PNPT1: variants seen among roughly 807,000 people sequenced by gnomAD.
The protein encoded by PNPT1 is polyribonucleotide nucleotidyltransferase 1.
Under a neutral mutation model 119.5 loss-of-function variants are expected in PNPT1, and 53 were observed. The ratio of observed to expected loss-of-function variants is 0.44; its 90% CI spans 0.36 to 0.56. The LOEUF is 0.56. Among genes scored for constraint, PNPT1 ranks in the 20% least tolerant of loss-of-function variants. The pLI is 0.00. For missense variants in PNPT1, 948 were observed against 938.5 expected (o/e 1.01, Z -0.13); for synonymous variants, 357 against 322.1 (o/e 1.11, Z -1.16).
At chr2:55,682,968 A>G (rs745407851) in intron 5 of PNPT1, among the ~76,000 whole-genome samples, 1 of 152,208 alleles carries the variant, frequency 6.6e-6, no homozygotes, top group Non-Finnish European at 1.5e-5. Context: ...TTGCAAAGGC[A>G]TATTTGCAAG....
chr2:55,683,857 A>AT, intron 4 of PNPT1, 23 bp from the exon 5 acceptor site: 2 of 1,610,702 alleles, frequency 1.2e-6, no homozygotes, highest in Non-Finnish European at 1.7e-6. Flanking sequence ...AAAAAAACAC[A>AT]TTAAACCGTA....
chr2:55,645,625 T>C (rs567428193), intron 21 of PNPT1, among the ~76,000 whole-genome samples, 193 bp from the exon 22 acceptor site: 1 of 152,342 alleles, frequency 6.6e-6, no homozygotes, highest in South Asian at 2.1e-4. Context: ...TTGTTTAATT[T>C]GTAAAAATTG....
intron 9 of PNPT1, among the ~76,000 whole-genome samples, chr2:55,672,604 A>G (rs1035788338): frequency 1.3e-5 from 2 of 152,216 alleles, no homozygotes; most frequent in Admixed American, 6.5e-5. Flanking sequence ...ATATTCAAAT[A>G]TCTTAACGTT....
rs545387137 is a variant in PNPT1 at position 55,688,720 on chromosome 2, G to T, written c.162-1015C>A. On this transcript the variant is annotated intron_variant, in intron 1 of 27. Transcript: ENST00000447944. ...AGCCTGGGTGACAGAGTGAGACTCT[G>T]TAACAAAAACAAAACAAAACAAAAC... Among the ~76,000 whole-genome samples, 38 of 151,774 alleles carry T rather than the reference G, an allele frequency of 2.5e-4. 1 individual carries two copies. The highest frequency in any genetic ancestry group is 8.5e-4 in the African/African-American group (35 of 41,382).
intron 5 of PNPT1, among the ~76,000 whole-genome samples, chr2:55,682,451 ACT>A (rs1401260519): frequency 6.6e-6 from 1 of 151,280 alleles, no homozygotes; most frequent in African/African-American, 2.4e-5. Context: ...ACAGAGGGAG[ACT>A]CTGTCTCAAA....
chr2:55,671,077 G>C (rs367655065), intron 11 of PNPT1, among the ~76,000 whole-genome samples: 1 of 152,112 alleles, frequency 6.6e-6, no homozygotes, highest in South Asian at 2.1e-4. Context: ...GAAACAGTTC[G>C]GGGAAGCTTT....
intron 10 of PNPT1, 72 bp from the exon 11 acceptor site, chr2:55,671,448 T>C: frequency 1.1e-6 from 1 of 889,890 alleles, no homozygotes; most frequent in East Asian, 2.8e-5. Context: ...CTAATTATTA[T>C]ACAATGAACA....
At chr2:55,688,730 C>G (rs1173670635) in intron 1 of PNPT1, among the ~76,000 whole-genome samples, 1 of 151,220 alleles carries the variant, frequency 6.6e-6, no homozygotes, top group Non-Finnish European at 1.5e-5. Flanking sequence ...GTAACAAAAA[C>G]AAAACAAAAC....
At chr2:55,687,501 C>G in intron 2 of PNPT1, 144 bp downstream of exon 2, 2 of 626,104 alleles carry the variant, frequency 3.2e-6, no homozygotes, top group Non-Finnish European at 5.4e-6. Flanking sequence ...TGGAATGATT[C>G]TTGCAGTAGA....
Position 55,677,365 on chromosome 2 carries a change from G to A in PNPT1, c.679+2317C>T, listed in dbSNP as rs565873764. On this transcript the variant is annotated intron_variant, in intron 8 of 27. Coordinates refer to ENST00000447944, the MANE Select transcript of PNPT1 (RefSeq NM_033109.5). Reference sequence around the variant, plus strand: ...TCCCAGCACTTTTGGTGGCCGAAGCGGGCAGATCACTTGAGGCCAGGAATT... The same window carrying A: ...TCCCAGCACTTTTGGTGGCCGAAGCAGGCAGATCACTTGAGGCCAGGAATT... Among the ~76,000 whole-genome samples the A allele has an allele frequency of 2.0e-5, 3 of 152,130 alleles. No individual in the cohort carries two copies. The East Asian group carries it at 5.8e-4, about 29-fold the overall frequency.
intron 13 of PNPT1, among the ~76,000 whole-genome samples, chr2:55,666,377 G>A (rs1232995861): frequency 6.6e-6 from 1 of 152,120 alleles, no homozygotes; most frequent in Admixed American, 6.6e-5. Context: ...TCCCTCCTGG[G>A]CCTCCCAAAG....
Position 55,671,327 on chromosome 2 carries a change from T to C in PNPT1, c.968A>G (p.Gln323Arg). The C allele has an allele frequency of 1.1e-5, 17 of 1,521,768 alleles. No homozygotes were observed. Among genetic ancestry groups the C allele is most frequent in the Non-Finnish European group, 1.5e-5 (17 of 1,130,410 alleles). 94.3% of individuals were successfully genotyped at this position (1,521,768 alleles called of 1,614,324 possible). The change falls in exon 11 of 28, where the codon CAA (glutamine) becomes CGA (arginine). Residue 323 changes from glutamine to arginine, a missense_variant. Coordinates refer to ENST00000447944, the MANE Select transcript of PNPT1 (RefSeq NM_033109.5). ...VNKIRLDTEE[Q>R]LKEKFPEADP... ...AATAAAATAAAATTTACCTTTTAGT[T>C]GTTCCTCCGTATCTAATCTTATTTT...
At chr2:55,673,637 A>T (rs1696980091) in intron 8 of PNPT1, among the ~76,000 whole-genome samples, 1 of 151,996 alleles carries the variant, frequency 6.6e-6, no homozygotes, top group Admixed American at 6.6e-5. Flanking sequence ...TTTAGTAGAC[A>T]TGGGGTTTCA....
intron 18 of PNPT1, among the ~76,000 whole-genome samples, chr2:55,650,233 G>A (rs1174535843): frequency 6.6e-6 from 1 of 152,080 alleles, no homozygotes; most frequent in Non-Finnish European, 1.5e-5. Flanking sequence ...GAAGCTGGAC[G>A]GTACTGCTGC....
intron 25 of PNPT1, among the ~76,000 whole-genome samples, chr2:55,641,935 G>A (rs1411970826): frequency 4.0e-5 from 6 of 151,164 alleles, no homozygotes; most frequent in African/African-American, 1.2e-4. Context: ...TCTGCCTCCC[G>A]GCTTCAAGCG....
Position 55,654,924 on chromosome 2 carries a change from C to T in PNPT1, c.1471G>A (p.Gly491Arg), listed in dbSNP as rs772291464. 76 of 1,612,628 alleles carry T rather than the reference C, an allele frequency of 4.7e-5. No homozygotes were observed. Among genetic ancestry groups the T allele is most frequent in the Admixed American group, 3.3e-5 (2 of 59,898 alleles). ...CCTGAATCCATTAATGCTAAACTTCCGCCACATGCAGATGCCATAGAAGAT... is the reference window on the plus strand; with the variant it reads ...CCTGAATCCATTAATGCTAAACTTCTGCCACATGCAGATGCCATAGAAGAT... ...GSSSMASACG[G>R]SLALMDSGVP... Residue 491 changes from glycine (G) to arginine (R), a missense_variant, in exon 18 of 28, where the codon GGA (glycine) becomes AGA (arginine). Gly to Arg is a moderately radical substitution (Grantham distance 125). Coordinates refer to ENST00000447944, the MANE Select transcript of PNPT1 (RefSeq NM_033109.5).
chr2:55,680,024 T>C (rs1425132470), intron 7 of PNPT1, among the ~76,000 whole-genome samples: 1 of 152,198 alleles, frequency 6.6e-6, no homozygotes, highest in East Asian at 1.9e-4. Context: ...TCTGGGATTA[T>C]GCTCATGTTT....
chr2:55,636,201 A>G lies in PNPT1; in HGVS notation c.*36T>C, dbSNP rs1398028675. 3.2e-6 allele frequency: 5 copies of G among 1,542,538 alleles called. No homozygotes were observed. The highest frequency in any genetic ancestry group is 4.4e-6 in the Non-Finnish European group (5 of 1,126,182). ...TGCTCTACAGCACATCACCCTAGAC[A>G]AAATAGAATTCTAGAATTCTCTTTA... On this transcript the variant is annotated 3_prime_UTR_variant, in exon 28 of 28. Coordinates refer to ENST00000447944, the MANE Select transcript of PNPT1 (RefSeq NM_033109.5).
intron 15 of PNPT1, 120 bp downstream of exon 15, chr2:55,660,037 G>A: frequency 1.1e-6 from 1 of 920,558 alleles, no homozygotes; most frequent in South Asian, 2.4e-5. Flanking sequence ...CTGGGAGGGA[G>A]AGGTTGCAGT....
Sources: gnomAD v4.1 joint callset for allele counts (sites outside exome capture counted in the v4.1 genomes callset) on GRCh38, gnomAD v4.1.1 for gene constraint, MANE v1.5 for transcripts, NCBI Gene and HGNC (gene_info 2026-07-23, HGNC 2026-07-21) for gene names.